Variants in CCDC91 observed in about 807,000 individuals in gnomAD.
CCDC91 encodes the protein coiled-coil domain containing 91, also known as coiled-coil domain-containing protein 91.
CCDC91 carries 48 observed loss-of-function variants against 63.2 expected under a neutral mutation model. That is an observed-to-expected ratio of 0.76 (90% CI 0.60 to 0.97). CCDC91 has a LOEUF of 0.97. CCDC91 is among the 50% of genes least tolerant of loss of function. CCDC91 has a pLI of 0.00. For synonymous variants in CCDC91, 167 were observed against 165.8 expected (o/e 1.01, Z -0.06); for missense variants, 500 against 494.6 (o/e 1.01, Z -0.10).
At chr12:28,207,538 A>T (rs779342651) in intron 1 of CCDC91, among the ~76,000 whole-genome samples, 2 of 152,214 alleles carry the variant, frequency 1.3e-5, no homozygotes, top group African/African-American at 4.8e-5. Flanking sequence ...GTCCTCTTGC[A>T]TGGGAAAGTT....
At chr12:28,397,073 T>C (rs1946337492) in intron 8 of CCDC91, among the ~76,000 whole-genome samples, 1 of 152,100 alleles carries the variant, frequency 6.6e-6, no homozygotes, top group Admixed American at 6.5e-5. Flanking sequence ...CCTTAACATA[T>C]AAGGGATAGG....
At position 28,465,625 on chromosome 12, in the gene CCDC91, C is replaced by T. The variant is rs183779223; in HGVS notation, c.1101+12971C>T. ...AACCACAGCATTCAGTAAGGGTCTC[C>T]GCTAAAGAAGTTCCAGCTTAGATTA... is the stretch of plus-strand genomic sequence containing the variant. On this transcript the variant is annotated intron_variant, in intron 11 of 12. Coordinates refer to ENST00000536442, the MANE Select transcript of CCDC91 (RefSeq NM_018318.5). Among the ~76,000 whole-genome samples, 247 of 152,204 alleles carry T rather than the reference C, an allele frequency of 1.6e-3. 1 individual carries two copies. Among genetic ancestry groups the T allele is most frequent in the African/African-American group, 4.6e-3 (190 of 41,546 alleles).
chr12:28,245,704 A>T (rs1301223258), intron 1 of CCDC91, among the ~76,000 whole-genome samples: 1 of 152,214 alleles, frequency 6.6e-6, no homozygotes, highest in African/African-American at 2.4e-5. Context: ...CATATCATTG[A>T]TAATCATATG....
chr12:28,327,851 G>A (rs767274985), intron 6 of CCDC91, among the ~76,000 whole-genome samples: 1 of 152,076 alleles, frequency 6.6e-6, no homozygotes, highest in East Asian at 1.9e-4. Context: ...CTGCCATGTT[G>A]AATCTCATCA....
chr12:28,333,977 C>T (rs1290548717), intron 6 of CCDC91, among the ~76,000 whole-genome samples: 2 of 151,906 alleles, frequency 1.3e-5, no homozygotes, highest in African/African-American at 4.8e-5. Flanking sequence ...TGTTTTTGTA[C>T]TTACATGACA....
At chr12:28,255,547 A>G (rs1946390649) in intron 1 of CCDC91, 1 of 152,234 alleles carries the variant, frequency 6.6e-6, no homozygotes, top group Admixed American at 6.5e-5. Flanking sequence ...AAACATCATC[A>G]AAAGTTTCTG....
intron 6 of CCDC91, among the ~76,000 whole-genome samples, chr12:28,317,484 A>T (rs181990550): frequency 4.2e-4 from 64 of 151,978 alleles, no homozygotes; most frequent in Admixed American, 3.9e-3. Context: ...TGTTTTCTTT[A>T]TTTTTGTATA....
chr12:28,506,941 G>A (rs764385452), intron 12 of CCDC91, among the ~76,000 whole-genome samples: 6 of 151,622 alleles, frequency 4.0e-5, no homozygotes, highest in Non-Finnish European at 7.4e-5. Context: ...CACATAAAAC[G>A]TAGACATTCT....
At chr12:28,517,834 T>C (rs1356733437) in intron 12 of CCDC91, among the ~76,000 whole-genome samples, 1 of 151,986 alleles carries the variant, frequency 6.6e-6, no homozygotes, top group African/African-American at 2.4e-5. Flanking sequence ...GTCATTTTTA[T>C]GCCCTCACAT....
chr12:28,414,168 T>A (rs189265277), intron 8 of CCDC91, among the ~76,000 whole-genome samples: 105 of 152,338 alleles, frequency 6.9e-4, no homozygotes, highest in Non-Finnish European at 1.3e-3. Flanking sequence ...TGTCTTTGTC[T>A]TTCTAAAATT....
At chr12:28,541,461 T>C (rs1394341216) in intron 12 of CCDC91, among the ~76,000 whole-genome samples, 2 of 152,074 alleles carry the variant, frequency 1.3e-5, no homozygotes, top group Non-Finnish European at 2.9e-5. Context: ...TCTGCTAATA[T>C]TAGGTTTAAA....
chr12:28,530,370 A>G (rs932632800), intron 12 of CCDC91, among the ~76,000 whole-genome samples: 6 of 152,248 alleles, frequency 3.9e-5, no homozygotes, highest in African/African-American at 1.4e-4. Context: ...ATCAACTACC[A>G]GATGAGAGAG....
chr12:28,446,780 T>C (rs1243643476), intron 8 of CCDC91, among the ~76,000 whole-genome samples: 1 of 152,142 alleles, frequency 6.6e-6, no homozygotes, highest in East Asian at 1.9e-4. Flanking sequence ...AAACTATAAT[T>C]CTGATTTATA....
rs1458043348 is a variant in CCDC91 at position 28,477,673 on chromosome 12, A to G, written c.1102-6379A>G. ...AATCAGGAAAAGAGGAAGTCAAATT[A>G]TCCCTGTTTGCAGATGACATGATTG... is the stretch of plus-strand genomic sequence containing the variant. On this transcript the variant is annotated intron_variant, in intron 11 of 12. Coordinates refer to ENST00000536442, the MANE Select transcript of CCDC91 (RefSeq NM_018318.5). 3.3e-5 allele frequency among the ~76,000 whole-genome samples: 5 copies of G among 152,088 alleles called. No individual in the cohort carries two copies. In the East Asian group the frequency reaches 5.8e-4, roughly 18 times the overall value.
intron 11 of CCDC91, among the ~76,000 whole-genome samples, chr12:28,463,917 G>C (rs1313266205): frequency 1.3e-5 from 2 of 152,100 alleles, no homozygotes; most frequent in Non-Finnish European, 2.9e-5. Flanking sequence ...AGAAGCAAGT[G>C]AGCCAAATAC....
At position 28,391,180 on chromosome 12, in the gene CCDC91, A is replaced by T. The variant is rs1317229028; in HGVS notation, c.655-124A>T. ...TAAATGTGCTTCAGTATTAACAAATACATATTTTGTAATTTAGGAGAATAT... is the reference window on the plus strand; with the variant it reads ...TAAATGTGCTTCAGTATTAACAAATTCATATTTTGTAATTTAGGAGAATAT... On this transcript the variant is annotated intron_variant, in intron 7 of 12. Transcript: ENST00000536442. 8 of 541,790 alleles carry T rather than the reference A, an allele frequency of 1.5e-5. No individual in the cohort carries two copies. The East Asian group carries it at 2.4e-4, about 17-fold the overall frequency. The allele number at this position is 541,790 out of a possible 1,614,324, so 33.6% of individuals were successfully genotyped here. A position where few individuals can be genotyped will look rare whatever the true frequency, so the allele number is the denominator to read the frequency against.
intron 1 of CCDC91, among the ~76,000 whole-genome samples, chr12:28,195,376 T>C (rs1941681530): frequency 6.6e-6 from 1 of 152,198 alleles, no homozygotes; most frequent in African/African-American, 2.4e-5. Context: ...TACAATCCTT[T>C]AGCTAGATAG....
At chr12:28,513,045 G>A (rs959398569) in intron 12 of CCDC91, among the ~76,000 whole-genome samples, 1 of 151,806 alleles carries the variant, frequency 6.6e-6, no homozygotes, top group Non-Finnish European at 1.5e-5. Context: ...TCCCTCAAAG[G>A]TATGCTTGGC....
At chr12:28,422,361 A>G (rs1337269764) in intron 8 of CCDC91, among the ~76,000 whole-genome samples, 1 of 152,092 alleles carries the variant, frequency 6.6e-6, no homozygotes, top group Non-Finnish European at 1.5e-5. Flanking sequence ...TATAAATTTT[A>G]TAGTAATTAA....
Sources: gnomAD v4.1 joint callset for allele counts (sites outside exome capture counted in the v4.1 genomes callset) on GRCh38, gnomAD v4.1.1 for gene constraint, MANE v1.5 for transcripts, NCBI Gene and HGNC (gene_info 2026-07-23, HGNC 2026-07-21) for gene names.